The following SLC22A16 variants were observed in gnomAD, a reference collection of about 807,000 sequenced individuals.
SLC22A16 encodes WUGSC:RG331P03.1.
In SLC22A16, 53 loss-of-function variants were observed where a neutral mutation model predicts 52.9. That is an observed-to-expected ratio of 1.00 (90% CI 0.80 to 1.26). The LOEUF (loss-of-function observed/expected upper bound fraction) is 1.26, where lower values mean the gene tolerates loss of function less well. SLC22A16 is among the 50% of genes most tolerant of loss of function. SLC22A16 has a pLI of 0.00. For missense variants in SLC22A16, 726 were observed against 704.0 expected, an observed-to-expected ratio of 1.03 and a Z score of -0.35; for synonymous variants, 291 against 268.8, an observed-to-expected ratio of 1.08 and a Z score of -0.81.
At chr6:110,429,712 C>A (rs1187671422) in intron 7 of SLC22A16, among the ~76,000 whole-genome samples, 2 of 152,112 alleles carry the variant, frequency 1.3e-5, no homozygotes, top group Non-Finnish European at 2.9e-5. Flanking sequence ...AATAATAAAG[C>A]CACACTGCGA....
chr6:110,454,396 G>A (rs180815736), intron 2 of SLC22A16, among the ~76,000 whole-genome samples: 2 of 150,500 alleles, frequency 1.3e-5, no homozygotes, highest in East Asian at 3.9e-4. Flanking sequence ...GGTTTTTCTG[G>A]AGCTCCCAAG....
chr6:110,446,979 C>T lies in SLC22A16; in HGVS notation c.545G>A (p.Arg182Gln), dbSNP rs140411373. 153 of 1,613,204 alleles carry T rather than the reference C, an allele frequency of 9.5e-5. 3 individuals are homozygous for T. In the East Asian group the frequency reaches 2.3e-3, roughly 24 times the overall value. ...ACTGCTTGTGGCCCACAAGACCACC[C>T]GGCGTCCTAGCCTGAAAAATAAGAG... Reference protein sequence around the residue: ...FGYFSDRLGRRVVLWATSSSM... With the variant: ...FGYFSDRLGRQVVLWATSSSM... Residue 182 changes from arginine (R) to glutamine (Q), a missense_variant, in exon 3 of 8, where the codon CGG (arginine) becomes CAG (glutamine). Physicochemically the swap from Arg to Gln is conservative, Grantham distance 43 (BLOSUM62 1). Coordinates refer to ENST00000368919, the MANE Select transcript of SLC22A16 (RefSeq NM_033125.4).
intron 3 of SLC22A16, among the ~76,000 whole-genome samples, chr6:110,446,288 C>T (rs186564039): frequency 2.6e-5 from 4 of 152,240 alleles, no homozygotes; most frequent in Admixed American, 1.3e-4. Context: ...TGCTGTACTG[C>T]GGTTGTTTAT....
chr6:110,452,453 G>T (rs1365186661), intron 2 of SLC22A16, among the ~76,000 whole-genome samples: 1 of 151,520 alleles, frequency 6.6e-6, no homozygotes, highest in Non-Finnish European at 1.5e-5. Flanking sequence ...TACAGCACTG[G>T]CTAGACTATC....
intron 7 of SLC22A16, chr6:110,425,468 C>T (rs1015925404): frequency 8.0e-7 from 1 of 1,242,676 alleles, no homozygotes; most frequent in South Asian, 1.3e-5. Flanking sequence ...AGCCCTGGGT[C>T]AGGACATGCC....
intron 6 of SLC22A16, among the ~76,000 whole-genome samples, chr6:110,432,967 T>A (rs1377454442): frequency 1.3e-5 from 2 of 152,228 alleles, no homozygotes; most frequent in Non-Finnish European, 2.9e-5. Flanking sequence ...CCAAAAGATG[T>A]GGATTTGAGT....
Position 110,431,166 on chromosome 6 carries a change from C to T in SLC22A16, c.1521+5G>A. ...CTTGGGGAGGGTCTGCAAACTGAAG[C>T]ACACCTGTGGTATGAAGATCCAAAT... On this transcript the variant is annotated splice_donor_5th_base_variant and intron_variant, in intron 7 of 7. Coordinates refer to ENST00000368919, the MANE Select transcript of SLC22A16 (RefSeq NM_033125.4). 6.2e-7 allele frequency: 1 copy of T among 1,613,526 alleles called. No individual in the cohort carries two copies. The highest frequency in any genetic ancestry group is 8.5e-7 in the Non-Finnish European group (1 of 1,179,690).
In SLC22A16 at chr6:110,431,268, G is replaced by T. The variant is rs781506304; in HGVS notation, c.1424C>A (p.Ser475Ter). 3.7e-6 allele frequency: 6 copies of T among 1,611,482 alleles called. No homozygotes were observed. The highest frequency in any genetic ancestry group is 4.2e-6 in the Non-Finnish European group (5 of 1,179,710). ...TAELYPTIVR[S>*]LAVGSGSMVC... ...CATGCTGCCGCTTCCCACAGCCAGC[G>T]ATCTGGAAACAGAGGAGAGAGGCTG... The change falls in exon 7 of 8, where the codon TCG (serine) becomes TAG (stop). Residue 475 changes from serine to a stop codon, truncating the protein, a stop_gained and splice_region_variant. Coordinates refer to ENST00000368919, the MANE Select transcript of SLC22A16 (RefSeq NM_033125.4). LOFTEE classifies it high-confidence loss of function.
intron 6 of SLC22A16, 31 bp downstream of exon 6, chr6:110,435,821 G>A: frequency 6.7e-7 from 1 of 1,486,124 alleles, no homozygotes; most frequent in South Asian, 1.2e-5. Context: ...AAAGATAATA[G>A]GAAAACAACC....
Position 110,425,003 on chromosome 6 carries a change from G to A in SLC22A16, c.1604C>T (p.Thr535Ile), listed in dbSNP as rs746049823. The stretch of plus-strand genomic sequence containing the variant: ...CTCCAGTTTTGCAGCCTCCTCCCAA[G>A]TAGTTGCTAGCCGTTTCCCAAGGGT... Reference protein sequence around the residue: ...PETLGKRLATTWEEAAKLESE... With the variant: ...PETLGKRLATIWEEAAKLESE... Residue 535 changes from threonine to isoleucine, a missense_variant, in exon 8 of 8, where the codon ACT becomes ATT. Thr to Ile is a moderately conservative substitution (Grantham distance 89). Coordinates refer to ENST00000368919, the MANE Select transcript of SLC22A16 (RefSeq NM_033125.4). The A allele has an allele frequency of 5.4e-5, 87 of 1,614,050 alleles. No individual in the cohort carries two copies. Among genetic ancestry groups the A allele is most frequent in the Non-Finnish European group, 6.7e-5 (79 of 1,180,050 alleles).
At position 110,446,985 on chromosome 6, in the gene SLC22A16, C is replaced by A. The variant is rs755515133; in HGVS notation, c.539G>T (p.Gly180Val). The change falls in exon 3 of 8, where the codon GGA (glycine) becomes GTA (valine). Residue 180 changes from glycine (G) to valine (V), a missense_variant. By Grantham distance (109) the Gly-to-Val change is moderately radical (BLOSUM62 -3). Transcript: ENST00000368919. ...VTFGYFSDRLGRRVVLWATSS... is the reference protein window; with the variant it reads ...VTFGYFSDRLVRRVVLWATSS... The stretch of plus-strand genomic sequence containing the variant: ...TGTGGCCCACAAGACCACCCGGCGT[C>A]CTAGCCTGAAAAATAAGAGTCACAC... The A allele has an allele frequency of 3.7e-6, 6 of 1,611,764 alleles. No homozygotes were observed. Among genetic ancestry groups the A allele is most frequent in the South Asian group, 2.2e-5 (2 of 90,566 alleles).
intron 2 of SLC22A16, among the ~76,000 whole-genome samples, chr6:110,449,611 T>A (rs932196357): frequency 6.6e-6 from 1 of 152,184 alleles, no homozygotes; most frequent in Non-Finnish European, 1.5e-5. Flanking sequence ...AACTGCTCTC[T>A]CCCTGGTATT....
chr6:110,442,625 A>G lies in SLC22A16; in HGVS notation c.802T>C (p.Trp268Arg). The G allele has an allele frequency of 1.2e-6, 2 of 1,614,214 alleles. No homozygotes were observed. The highest frequency in any genetic ancestry group is 2.2e-5 in the East Asian group (1 of 44,884). ...ALTGYLVRTW[W>R]LYQMILSTVT... Reference sequence around the variant, plus strand: ...GTGGAGAGGATCATCTGGTAAAGCCACCAGGTCCTGACCAAGTATCCTGTC... The same window carrying G: ...GTGGAGAGGATCATCTGGTAAAGCCGCCAGGTCCTGACCAAGTATCCTGTC... Residue 268 changes from tryptophan to arginine, a missense_variant, in exon 4 of 8, where the codon TGG becomes CGG. Transcript: ENST00000368919.
rs190097551 is a variant in SLC22A16 at position 110,443,997 on chromosome 6, A to C, written c.652-1222T>G. Reference sequence around the variant, plus strand: ...CAGAGAGTTATTATTCAATGGACAGAGTTTCAGTTTTGCAAGATGAAAACG... The same window carrying C: ...CAGAGAGTTATTATTCAATGGACAGCGTTTCAGTTTTGCAAGATGAAAACG... On this transcript the variant is annotated intron_variant, in intron 3 of 7. Transcript: ENST00000368919. Among the ~76,000 whole-genome samples the C allele has an allele frequency of 2.6e-5, 4 of 152,274 alleles. No homozygotes were observed. The East Asian group carries it at 7.7e-4, about 29-fold the overall frequency.
chr6:110,476,145 G>T, intron 1 of SLC22A16: 1 of 400,954 alleles, frequency 2.5e-6, no homozygotes, highest in Non-Finnish European at 4.7e-6. Context: ...AGTGGCGGCG[G>T]ATTAGAGAAA....
intron 7 of SLC22A16, among the ~76,000 whole-genome samples, chr6:110,429,929 AGGG>A (rs1475879205): frequency 6.6e-6 from 1 of 151,904 alleles, no homozygotes; most frequent in African/African-American, 2.4e-5. Context: ...AGGGAGGAGA[AGGG>A]AAGGCTTGCA....
In SLC22A16 at chr6:110,442,614, C is replaced by G. The variant is rs1263431189; in HGVS notation, c.813G>C (p.Gln271His). The G allele has an allele frequency of 1.9e-6, 3 of 1,614,188 alleles. No individual in the cohort carries two copies. The highest frequency in any genetic ancestry group is 2.5e-6 in the Non-Finnish European group (3 of 1,180,038). The change falls in exon 4 of 8, where the codon CAG becomes CAC. Residue 271 changes from glutamine (Q) to histidine (H), a missense_variant. Gln to His is a conservative substitution (Grantham distance 24). Transcript: ENST00000368919. ...GGACAGTCACTGTGGAGAGGATCAT[C>G]TGGTAAAGCCACCAGGTCCTGACCA... ...GYLVRTWWLY[Q>H]MILSTVTVPF...
intron 7 of SLC22A16, among the ~76,000 whole-genome samples, chr6:110,428,763 T>G (rs1342818767): frequency 6.6e-6 from 1 of 152,026 alleles, no homozygotes; most frequent in Non-Finnish European, 1.5e-5. Flanking sequence ...TAAAAAATAT[T>G]TTAAAAATTA....
intron 1 of SLC22A16, among the ~76,000 whole-genome samples, chr6:110,474,121 A>G (rs1416989304): frequency 2.6e-5 from 4 of 152,146 alleles, no homozygotes; most frequent in African/African-American, 9.7e-5. Flanking sequence ...AGTGCTCCTT[A>G]TGAGAATCTA....
Sources: allele counts gnomAD v4.1 joint callset (sites outside exome capture counted in the v4.1 genomes callset), GRCh38; gene constraint gnomAD v4.1.1; transcripts MANE v1.5; gene names NCBI Gene and HGNC (gene_info 2026-07-23, HGNC 2026-07-21).